The following SPIRE1 variants were observed in gnomAD, a reference collection of about 807,000 sequenced individuals.
The protein encoded by SPIRE1 is spire type actin nucleation factor 1, also known as protein spire homolog 1.
Under a neutral mutation model 94.1 loss-of-function variants are expected in SPIRE1, and 40 were observed. The ratio of observed to expected loss-of-function variants is 0.43; its 90% CI spans 0.33 to 0.55. The LOEUF (loss-of-function observed/expected upper bound fraction) is 0.55. SPIRE1 is among the 20% of genes least tolerant of loss of function. SPIRE1 has a pLI of 0.06. For missense variants in SPIRE1, 838 were observed against 975.2 expected (o/e 0.86, Z 1.87); for synonymous variants, 376 against 371.7 (o/e 1.01, Z -0.13).
intron 1 of SPIRE1, among the ~76,000 whole-genome samples, chr18:12,641,503 G>A (rs750514471): frequency 6.6e-6 from 1 of 151,926 alleles, no homozygotes; most frequent in Non-Finnish European, 1.5e-5. Flanking sequence ...CAAGTAGCTG[G>A]GACTACAGGC....
intron 3 of SPIRE1, 74 bp from the exon 4 acceptor site, chr18:12,535,675 A>G: frequency 7.1e-7 from 1 of 1,401,808 alleles, no homozygotes; most frequent in Non-Finnish European, 9.8e-7. Flanking sequence ...AACAGACACG[A>G]GCAGAGTGCA....
intron 2 of SPIRE1, among the ~76,000 whole-genome samples, chr18:12,565,354 G>A (rs995713624): frequency 6.6e-6 from 1 of 152,124 alleles, no homozygotes; most frequent in African/African-American, 2.4e-5. Context: ...AGAAGTGAAG[G>A]AGAAATAAAA....
chr18:12,548,654 C>T (rs1416371288), intron 2 of SPIRE1, among the ~76,000 whole-genome samples: 10 of 150,972 alleles, frequency 6.6e-5, no homozygotes, highest in African/African-American at 2.2e-4. Flanking sequence ...CTCTGTCACC[C>T]GGGCTGGAGT....
intron 2 of SPIRE1, among the ~76,000 whole-genome samples, chr18:12,618,141 G>A (rs950146380): frequency 2.6e-5 from 4 of 151,648 alleles, no homozygotes; most frequent in East Asian, 1.9e-4. Flanking sequence ...TTGCTCTGTC[G>A]CCCAGGCTGG....
At chr18:12,591,968 CAAAAAAAAA>C (rs35668057) in intron 2 of SPIRE1, among the ~76,000 whole-genome samples, 3 of 67,442 alleles carry the variant, frequency 4.4e-5, no homozygotes, top group Admixed American at 1.9e-4. Flanking sequence ...GACTCCATCT[CAAAAAAAAA>C]AAAAAAAAAA....
chr18:12,594,426 CAG>C (rs1278480066), intron 2 of SPIRE1, among the ~76,000 whole-genome samples: 1 of 152,044 alleles, frequency 6.6e-6, no homozygotes, highest in Non-Finnish European at 1.5e-5. Flanking sequence ...TATTTGATAA[CAG>C]AAAATGTTCA....
At chr18:12,625,976 G>A (rs1462352242) in intron 2 of SPIRE1, among the ~76,000 whole-genome samples, 3 of 151,932 alleles carry the variant, frequency 2.0e-5, no homozygotes, top group Non-Finnish European at 4.4e-5. Flanking sequence ...GTTACAGTGA[G>A]CTGAGATCAC....
chr18:12,564,979 A>G (rs2035780917), intron 2 of SPIRE1, among the ~76,000 whole-genome samples: 1 of 152,186 alleles, frequency 6.6e-6, no homozygotes, highest in Admixed American at 6.5e-5. Context: ...CAAAAGAAGA[A>G]AGAAAGAAAA....
At chr18:12,574,452 G>A (rs532484041) in intron 2 of SPIRE1, among the ~76,000 whole-genome samples, 1 of 152,300 alleles carries the variant, frequency 6.6e-6, no homozygotes, top group African/African-American at 2.4e-5. Flanking sequence ...TGCATTAAAT[G>A]TAGGGAGAAA....
intron 2 of SPIRE1, among the ~76,000 whole-genome samples, chr18:12,569,702 A>T (rs932211357): frequency 6.6e-6 from 1 of 152,018 alleles, no homozygotes; most frequent in Non-Finnish European, 1.5e-5. Context: ...ACTAGTCTCA[A>T]GGCAGGTGGA....
At chr18:12,477,753 G>A (rs1473203088) in intron 10 of SPIRE1, among the ~76,000 whole-genome samples, 1 of 152,144 alleles carries the variant, frequency 6.6e-6, no homozygotes, top group African/African-American at 2.4e-5. Flanking sequence ...TGACAAGGAC[G>A]TGAGGGGCAG....
At chr18:12,506,840 G>C (rs1476633140) in intron 5 of SPIRE1, among the ~76,000 whole-genome samples, 199 bp from the exon 6 acceptor site, 1 of 152,180 alleles carries the variant, frequency 6.6e-6, no homozygotes, top group Admixed American at 6.5e-5. Context: ...TACCTGCTGA[G>C]GCACATGGGT....
intron 2 of SPIRE1, among the ~76,000 whole-genome samples, chr18:12,588,716 T>TA (rs138761034): frequency 0.56 from 84,680 of 151,566 alleles, 24,815 homozygotes; most frequent in Middle Eastern, 0.76. Flanking sequence ...TAATTGTCCT[T>TA]ACGGGCAAAT....
chr18:12,505,414 T>G (rs535889726), intron 6 of SPIRE1, among the ~76,000 whole-genome samples: 1 of 151,998 alleles, frequency 6.6e-6, no homozygotes, highest in Admixed American at 6.6e-5. Flanking sequence ...TAGCTGGGCA[T>G]GGTGGCGCAC....
chr18:12,577,571 C>T (rs932869542), intron 2 of SPIRE1, among the ~76,000 whole-genome samples: 1 of 152,166 alleles, frequency 6.6e-6, no homozygotes, highest in Non-Finnish European at 1.5e-5. Flanking sequence ...TAAATGTTAT[C>T]TACATAGTCA....
At chr18:12,482,832 A>C (rs948543739) in intron 9 of SPIRE1, among the ~76,000 whole-genome samples, 31 of 152,320 alleles carry the variant, frequency 2.0e-4, no homozygotes, top group African/African-American at 7.5e-4. Context: ...GCTTTGAGAA[A>C]AACTGAATTA....
At chr18:12,619,471 G>A (rs2037402249) in intron 2 of SPIRE1, among the ~76,000 whole-genome samples, 1 of 152,000 alleles carries the variant, frequency 6.6e-6, no homozygotes, top group Admixed American at 6.5e-5. Context: ...TCGTGCCACT[G>A]AACTCCAGCC....
chr18:12,470,226 G>A (rs1188902622), intron 10 of SPIRE1, among the ~76,000 whole-genome samples: 2 of 152,112 alleles, frequency 1.3e-5, no homozygotes, highest in East Asian at 1.9e-4. Flanking sequence ...AGGATTACAG[G>A]CATAATCTTA....
chr18:12,531,051 C>T (rs533528667), intron 4 of SPIRE1, among the ~76,000 whole-genome samples: 3 of 152,248 alleles, frequency 2.0e-5, no homozygotes, highest in Non-Finnish European at 4.4e-5. Flanking sequence ...TTTCTCATTT[C>T]ACATCTCCCT....
Sources: gnomAD v4.1 joint callset for allele counts (sites outside exome capture counted in the v4.1 genomes callset) on GRCh38, gnomAD v4.1.1 for gene constraint, MANE v1.5 for transcripts, NCBI Gene and HGNC (gene_info 2026-07-23, HGNC 2026-07-21) for gene names.